Variants in DGKB observed in about 807,000 individuals in gnomAD.
DGKB encodes the protein 90 kDa diacylglycerol kinase.
Under a neutral mutation model 114.3 loss-of-function variants are expected in DGKB, and 67 were observed. That is an observed-to-expected ratio of 0.59 (90% CI 0.48 to 0.72). The LOEUF (loss-of-function observed/expected upper bound fraction) is 0.72, where lower values mean the gene tolerates loss of function less well. Among genes scored for constraint, DGKB ranks in the 30% least tolerant of loss-of-function variants. The probability of loss-of-function intolerance (pLI) is 0.00; values close to 1 mark genes in which losing one functional copy is unlikely to be tolerated. For missense variants in DGKB, 907 were observed against 975.2 expected (o/e 0.93, Z 0.93); for synonymous variants, 398 against 323.1 (o/e 1.23, Z -2.49).
At chr7:14,865,439 C>A (rs1479478311) in intron 1 of DGKB, among the ~76,000 whole-genome samples, 4 of 152,180 alleles carry the variant, frequency 2.6e-5, no homozygotes, top group Non-Finnish European at 5.9e-5. Flanking sequence ...TAGCTCCTCA[C>A]CTTATTGGCC....
chr7:14,240,481 A>C (rs1204184403), intron 23 of DGKB, among the ~76,000 whole-genome samples: 2 of 152,006 alleles, frequency 1.3e-5, no homozygotes, highest in Non-Finnish European at 2.9e-5. Flanking sequence ...GCCATCCTGG[A>C]CTCACCTAAG....
At chr7:14,574,886 C>T (rs943142898) in intron 19 of DGKB, among the ~76,000 whole-genome samples, 10 of 152,104 alleles carry the variant, frequency 6.6e-5, no homozygotes, top group East Asian at 1.9e-4. Flanking sequence ...TTTAAAATTT[C>T]GTTTCTTATT....
At chr7:14,669,619 G>A (rs1247240120) in intron 13 of DGKB, among the ~76,000 whole-genome samples, 1 of 152,064 alleles carries the variant, frequency 6.6e-6, no homozygotes, top group Non-Finnish European at 1.5e-5. Flanking sequence ...TATTTATTGT[G>A]TATATTTAAG....
At chr7:14,296,730 C>G (rs1461632150) in intron 23 of DGKB, among the ~76,000 whole-genome samples, 2 of 135,732 alleles carry the variant, frequency 1.5e-5, no homozygotes, top group African/African-American at 5.4e-5. Flanking sequence ...ACACAAAAAA[C>G]CTTTAAAAAA....
intron 1 of DGKB, among the ~76,000 whole-genome samples, chr7:14,863,638 T>C (rs182408589): frequency 8.5e-5 from 13 of 152,212 alleles, no homozygotes; most frequent in African/African-American, 3.1e-4. Context: ...AATTGACAAA[T>C]AATAATTGTG....
intron 5 of DGKB, among the ~76,000 whole-genome samples, chr7:14,725,712 A>G (rs1829922685): frequency 6.6e-6 from 1 of 152,018 alleles, no homozygotes; most frequent in Non-Finnish European, 1.5e-5. Context: ...ACATCCAGCT[A>G]ATTTTTGTAT....
intron 1 of DGKB, among the ~76,000 whole-genome samples, chr7:14,897,402 G>C (rs1011918716): frequency 6.6e-6 from 1 of 151,770 alleles, no homozygotes; most frequent in Non-Finnish European, 1.5e-5. Context: ...TTGCAGATAT[G>C]ATTCACTATT....
At chr7:14,168,612 T>G (rs889647636) in intron 25 of DGKB, among the ~76,000 whole-genome samples, 1 of 152,250 alleles carries the variant, frequency 6.6e-6, no homozygotes, top group Non-Finnish European at 1.5e-5. Context: ...CAAACGACTA[T>G]GAATTTCTTA....
intron 2 of DGKB, among the ~76,000 whole-genome samples, chr7:14,796,686 G>GCA (rs779425603): frequency 1.1e-5 from 1 of 91,306 alleles, no homozygotes; most frequent in Admixed American, 1.1e-4. Flanking sequence ...TTTCTAGAAA[G>GCA]TAAAAAAAAA....
At chr7:14,853,896 T>A (rs1225549644) in intron 1 of DGKB, among the ~76,000 whole-genome samples, 2 of 149,690 alleles carry the variant, frequency 1.3e-5, no homozygotes, top group Non-Finnish European at 3.0e-5. Context: ...AAAAAAAATT[T>A]ATCATAAAAT....
intron 13 of DGKB, among the ~76,000 whole-genome samples, chr7:14,647,045 A>G (rs1205563021): frequency 6.6e-6 from 1 of 151,948 alleles, no homozygotes; most frequent in Non-Finnish European, 1.5e-5. Flanking sequence ...TAGTTTTCTG[A>G]AAAGATAAAC....
chr7:14,676,715 T>C (rs1477592751), intron 12 of DGKB, among the ~76,000 whole-genome samples: 1 of 152,060 alleles, frequency 6.6e-6, no homozygotes, highest in Non-Finnish European at 1.5e-5. Flanking sequence ...AGGCTGACTA[T>C]TGTTTTAAAG....
intron 21 of DGKB, among the ~76,000 whole-genome samples, chr7:14,445,310 A>C (rs1396545068): frequency 2.6e-5 from 4 of 151,904 alleles, no homozygotes; most frequent in Non-Finnish European, 5.9e-5. Flanking sequence ...TAAATATATA[A>C]TCCAAGAGCT....
rs115790308 is a variant in DGKB at position 14,570,888 on chromosome 7, T to C, written c.1770+3324A>G. 1.7e-3 allele frequency among the ~76,000 whole-genome samples: 255 copies of C among 152,312 alleles called. 1 individual carries two copies. The highest frequency in any genetic ancestry group is 5.7e-3 in the African/African-American group (238 of 41,584). ...ACCTGTGTTGTTCAAAGGTCAAGTG[T>C]ATTTCTGTTTCCTAATATAAGGGTT... is the stretch of plus-strand genomic sequence containing the variant. On this transcript the variant is annotated intron_variant, in intron 20 of 25. Coordinates refer to ENST00000402815, the MANE Select transcript of DGKB (RefSeq NM_001350709.2).
At chr7:14,567,535 TATAATTATATATAATTATATATTGG>T (rs1250492099) in intron 20 of DGKB, among the ~76,000 whole-genome samples, 2 of 100,528 alleles carry the variant, frequency 2.0e-5, no homozygotes, top group African/African-American at 7.6e-5. Context: ...TATAATTATA[TATAATTATATATAATTATATATTGG>T]ATAATTATAT....
In DGKB at chr7:14,865,851, G is replaced by A. The variant is rs576805684; in HGVS notation, c.-187-24401C>T. ...GAGAGAGGTAAGGTTGAGGGATAGA[G>A]GACTTTGTATGGCTCAGAATAACTT... On this transcript the variant is annotated intron_variant, in intron 1 of 25. Transcript: ENST00000402815. Among the ~76,000 whole-genome samples the A allele has an allele frequency of 6.2e-4, 95 of 152,200 alleles. 1 individual carries two copies. The highest frequency in any genetic ancestry group is 2.2e-3 in the African/African-American group (93 of 41,536).
At chr7:14,814,212 T>G (rs773593980) in intron 2 of DGKB, 1 of 152,192 alleles carries the variant, frequency 6.6e-6, no homozygotes, top group Non-Finnish European at 1.5e-5. Context: ...CCAGAAAAAG[T>G]GTCTTCTCTC....
intron 2 of DGKB, among the ~76,000 whole-genome samples, chr7:14,815,393 A>G (rs1394090441): frequency 1.3e-5 from 2 of 152,216 alleles, no homozygotes; most frequent in East Asian, 3.8e-4. Flanking sequence ...TGGCACACAC[A>G]AAATATCTCA....
At chr7:14,319,360 G>C (rs1807290401) in intron 23 of DGKB, among the ~76,000 whole-genome samples, 2 of 152,044 alleles carry the variant, frequency 1.3e-5, no homozygotes, top group South Asian at 4.2e-4. Context: ...TATTAGACCA[G>C]ACATTACAGA....
Sources: gnomAD v4.1 joint callset for allele counts (sites outside exome capture counted in the v4.1 genomes callset) on GRCh38, gnomAD v4.1.1 for gene constraint, MANE v1.5 for transcripts, NCBI Gene and HGNC (gene_info 2026-07-23, HGNC 2026-07-21) for gene names.